Variants in CDHR5 observed in about 807,000 individuals in gnomAD.
The protein encoded by CDHR5 is cadherin-related family member 5.
CDHR5 carries 82 observed loss-of-function variants against 69.5 expected under a neutral mutation model. The ratio of observed to expected loss-of-function variants is 1.18; its 90% CI spans 0.99 to 1.42. The LOEUF (loss-of-function observed/expected upper bound fraction) is 1.42, where lower values mean the gene tolerates loss of function less well. Ranked by LOEUF, CDHR5 falls within the 40% of genes most tolerant of loss-of-function variation. CDHR5 has a pLI of 0.00. For synonymous variants in CDHR5, 601 were observed against 510.2 expected (o/e 1.18, Z -2.40); for missense variants, 1,293 against 1,168.9 (o/e 1.11, Z -1.55).
At position 617,015 on chromosome 11, in the gene CDHR5, G is replaced by GC. The variant is rs34047717; in HGVS notation, c.*335dup. The GC allele has an allele frequency of 1.0e-4, 35 of 334,956 alleles. No individual in the cohort carries two copies. The highest frequency in any genetic ancestry group is 5.8e-4 in the Admixed American group (12 of 20,600). The allele number at this position is 334,956 out of a possible 1,614,324, so 20.7% of individuals were successfully genotyped here. Reference sequence around the variant, plus strand: ...CTCCGGTGCAGGTCGGGGGAGGGGAGCCCCCCTCGGGCTGTGGTTAGAGCG... The same window carrying GC: ...CTCCGGTGCAGGTCGGGGGAGGGGAGCCCCCCCTCGGGCTGTGGTTAGAGCG... On this transcript the variant is annotated 3_prime_UTR_variant, in exon 15 of 15. Transcript: ENST00000397542.
At chr11:620,457 TC>T in intron 7 of CDHR5, 71 bp from the exon 8 acceptor site, 1 of 1,114,126 alleles carries the variant, frequency 9.0e-7, no homozygotes, top group Non-Finnish European at 1.3e-6. Context: ...CCCCTCTGAC[TC>T]CCCATCAAGG....
intron 14 of CDHR5, 29 bp downstream of exon 14, chr11:617,925 C>G (rs779552926): frequency 6.2e-7 from 1 of 1,604,088 alleles, no homozygotes; most frequent in Non-Finnish European, 8.5e-7. Context: ...TGCCTGGTCG[C>G]CTGCCCTGTT....
In CDHR5 at chr11:618,581, C is replaced by T; in HGVS notation, c.1960+18G>A. 6.2e-7 allele frequency: 1 copy of T among 1,613,220 alleles called. No homozygotes were observed. The highest frequency in any genetic ancestry group is 1.7e-5 in the Admixed American group (1 of 60,012). On this transcript the variant is annotated intron_variant, in intron 13 of 14. Coordinates refer to ENST00000397542, the MANE Select transcript of CDHR5 (RefSeq NM_021924.5). Reference sequence around the variant, plus strand: ...AATGACCGGAGTCAGGGAGGGAAGGCAACAGAGTGGGTGCTACCTGAAGAT... The same window carrying T: ...AATGACCGGAGTCAGGGAGGGAAGGTAACAGAGTGGGTGCTACCTGAAGAT...
chr11:622,435 T>G (rs1857468117), intron 3 of CDHR5, among the ~76,000 whole-genome samples: 2 of 152,132 alleles, frequency 1.3e-5, no homozygotes, highest in East Asian at 1.9e-4. Flanking sequence ...TTTTTTTTTT[T>G]TTTGGTTTTT....
intron 3 of CDHR5, among the ~76,000 whole-genome samples, 174 bp from the exon 4 acceptor site, chr11:622,078 A>G (rs1857443739): frequency 6.9e-6 from 1 of 145,022 alleles, no homozygotes. Flanking sequence ...AGTGAGGTGC[A>G]CCCCTCAACG....
intron 7 of CDHR5, among the ~76,000 whole-genome samples, chr11:620,698 A>G (rs1051391949): frequency 6.6e-6 from 1 of 152,032 alleles, no homozygotes; most frequent in African/African-American, 2.4e-5. Flanking sequence ...TCTGCCTCCC[A>G]TGTACTGTTT....
Position 621,375 on chromosome 11 carries a change from C to T in CDHR5, c.588G>A (p.Arg196=), listed in dbSNP as rs776096860. 9.9e-6 allele frequency: 16 copies of T among 1,613,048 alleles called. No individual in the cohort carries two copies. The highest frequency in any genetic ancestry group is 1.4e-5 in the Non-Finnish European group (16 of 1,179,992). The change falls in exon 6 of 15, where the codon CGG becomes CGA. Residue 196 remains arginine (R), a synonymous_variant. Coordinates refer to ENST00000397542, the MANE Select transcript of CDHR5 (RefSeq NM_021924.5). This position sits in a 1 kb window ranked among gnomAD's most constrained non-coding sequence, Gnocchi z 4.4. ...CCAGCAGCCAGAAGGTCATGTTCGG[C>T]CGCTCGTAGAAGTCCAGGGGCCGGT... ...RLDRPLDFYE[R]PNMTFWLLVR...
Position 624,552 on chromosome 11 carries a change from C to G in CDHR5, c.261+5G>C, listed in dbSNP as rs758226575. The G allele has an allele frequency of 2.5e-6, 4 of 1,605,458 alleles. No homozygotes were observed. Among genetic ancestry groups the G allele is most frequent in the Middle Eastern group, 1.7e-4 (1 of 6,048 alleles). On this transcript the variant is annotated splice_donor_5th_base_variant and intron_variant, in intron 2 of 14. Coordinates refer to ENST00000397542, the MANE Select transcript of CDHR5 (RefSeq NM_021924.5). This position sits in a 1 kb window ranked among gnomAD's most constrained non-coding sequence, Gnocchi z 5.3. ...CCCCATATCCCGCCCGCCTGCCGCCCACACCTCGTAATCAGGAGTCACGTT... is the reference window on the plus strand; with the variant it reads ...CCCCATATCCCGCCCGCCTGCCGCCGACACCTCGTAATCAGGAGTCACGTT...
intron 3 of CDHR5, among the ~76,000 whole-genome samples, chr11:622,423 G>GT (rs113267764): frequency 0.015 from 1,879 of 127,674 alleles, 11 homozygotes; most frequent in African/African-American, 0.024. Flanking sequence ...TCTTTTCTCT[G>GT]TTTTTTTTTT....
In CDHR5 at chr11:621,325, G is replaced by A. The variant is rs766461010; in HGVS notation, c.618+20C>T. Reference sequence around the variant, plus strand: ...GGGGCCTCAAGTGTGTGGGACTCGGGGCTGGGGTGACCTGCTCACCCGCAC... The same window carrying A: ...GGGGCCTCAAGTGTGTGGGACTCGGAGCTGGGGTGACCTGCTCACCCGCAC... On this transcript the variant is annotated intron_variant, in intron 6 of 14. Coordinates refer to ENST00000397542, the MANE Select transcript of CDHR5 (RefSeq NM_021924.5). The surrounding 1 kb of genome is among the most constrained non-coding windows in gnomAD (Gnocchi z 4.4). The A allele has an allele frequency of 6.2e-7, 1 of 1,612,432 alleles. No individual in the cohort carries two copies. The highest frequency in any genetic ancestry group is 8.5e-7 in the Non-Finnish European group (1 of 1,179,352).
chr11:618,243 C>A lies in CDHR5; in HGVS notation c.1961-132G>T, dbSNP rs938052941. 5.2e-6 allele frequency: 4 copies of A among 775,982 alleles called. No individual in the cohort carries two copies. In the South Asian group the frequency reaches 5.3e-5, roughly 10 times the overall value. 48.1% of individuals were successfully genotyped at this position (775,982 alleles called of 1,614,324 possible). On this transcript the variant is annotated intron_variant, in intron 13 of 14. Transcript: ENST00000397542. ...TGGGCTGTCTCCCAAATCTCAGGCTCTGCTGACCCTGGCTCAAGGGGCCTG... is the reference window on the plus strand; with the variant it reads ...TGGGCTGTCTCCCAAATCTCAGGCTATGCTGACCCTGGCTCAAGGGGCCTG...
intron 14 of CDHR5, 68 bp downstream of exon 14, chr11:617,886 C>T (rs369792192): frequency 4.5e-6 from 7 of 1,553,044 alleles, no homozygotes; most frequent in South Asian, 3.5e-5. Flanking sequence ...CTCTGCCCTC[C>T]CCTCTCCTGT....
chr11:620,419 G>T, intron 7 of CDHR5, 33 bp from the exon 8 acceptor site: 1 of 1,495,150 alleles, frequency 6.7e-7, no homozygotes, highest in Non-Finnish European at 9.2e-7. Flanking sequence ...GGCACGTCGT[G>T]GGGCTGGGGT....
rs138700250 is a variant in CDHR5 at position 620,696 on chromosome 11, C to T, written c.790-310G>A. 3.2e-3 allele frequency among the ~76,000 whole-genome samples: 491 copies of T among 152,274 alleles called. 3 individuals carry two copies. Among genetic ancestry groups the T allele is most frequent in the African/African-American group, 0.011 (461 of 41,560 alleles). ...CTCCCGGGGTCTGCATTTCTGCCTCCCATGTACTGTTTGGTGGCCCCAGGT... is the reference window on the plus strand; with the variant it reads ...CTCCCGGGGTCTGCATTTCTGCCTCTCATGTACTGTTTGGTGGCCCCAGGT... On this transcript the variant is annotated intron_variant, in intron 7 of 14. Transcript: ENST00000397542.
rs372825985 is a variant in CDHR5 at position 618,595 on chromosome 11, C to T, written c.1960+4G>A. On this transcript the variant is annotated splice_donor_region_variant and intron_variant, in intron 13 of 14. Coordinates refer to ENST00000397542, the MANE Select transcript of CDHR5 (RefSeq NM_021924.5). Reference sequence around the variant, plus strand: ...GGGAGGGAAGGCAACAGAGTGGGTGCTACCTGAAGATGGGGTGCTCTTGCT... The same window carrying T: ...GGGAGGGAAGGCAACAGAGTGGGTGTTACCTGAAGATGGGGTGCTCTTGCT... The T allele has an allele frequency of 4.3e-6, 7 of 1,613,658 alleles. No individual in the cohort carries two copies. The highest frequency in any genetic ancestry group is 2.2e-5 in the South Asian group (2 of 91,066).
chr11:621,449 T>C lies in CDHR5; in HGVS notation c.514A>G (p.Ser172Gly), dbSNP rs886537122. 4 of 1,612,006 alleles carry C rather than the reference T, an allele frequency of 2.5e-6. No homozygotes were observed. The highest frequency in any genetic ancestry group is 1.3e-5 in the African/African-American group (1 of 75,010). ...ACACTCACCAGGGAGAAGTAGTCAC[T>C]GGCACCCTGGGGAGGGTCAGGGAGG... Reference protein sequence around the residue: ...YTLQEMTAGASDYFSLVSVNR... With the variant: ...YTLQEMTAGAGDYFSLVSVNR... Residue 172 changes from serine (S) to glycine (G), a missense_variant, in exon 6 of 15, where the codon AGT (serine) becomes GGT (glycine). Ser to Gly is a moderately conservative substitution (Grantham distance 56, BLOSUM62 0). Transcript: ENST00000397542. This position sits in a 1 kb window ranked among gnomAD's most constrained non-coding sequence, Gnocchi z 4.4.
Position 620,304 on chromosome 11 carries a change from A to G in CDHR5, c.872T>C (p.Ile291Thr). ...GGCTGGGCCCCACTCACCCCTAAAG[A>G]TGCTGTAGATGATGGGCTGGTTGAT... ...RGINQPIIYS[I>T]FRGNVNGTFI... Residue 291 changes from isoleucine (I) to threonine (T), a missense_variant, in exon 8 of 15, where the codon ATC (isoleucine) becomes ACC (threonine). Transcript: ENST00000397542. 1 of 1,611,628 alleles carries G rather than the reference A, an allele frequency of 6.2e-7. No individual in the cohort carries two copies. The highest frequency in any genetic ancestry group is 2.2e-5 in the East Asian group (1 of 44,848).
chr11:617,746 T>A lies in CDHR5; in HGVS notation c.2143A>T (p.Asn715Tyr). ...TTGTGGTCAGGGAGGAACGCCTGGTTGTCAAAGCCTTGGGGCTGGGGCTCC... is the reference window on the plus strand; with the variant it reads ...TTGTGGTCAGGGAGGAACGCCTGGTAGTCAAAGCCTTGGGGCTGGGGCTCC... ...APEPQPQGFD[N>Y]QAFLPDHKAN... Residue 715 changes from asparagine to tyrosine, a missense_variant, in exon 15 of 15, where the codon AAC (asparagine) becomes TAC (tyrosine). Physicochemically the swap from Asn to Tyr is moderately radical, Grantham distance 143. Transcript: ENST00000397542. 1 of 1,457,016 alleles carries A rather than the reference T, an allele frequency of 6.9e-7. No homozygotes were observed. Among genetic ancestry groups the A allele is most frequent in the Admixed American group, 2.7e-5 (1 of 36,768 alleles). The allele number at this position is 1,457,016 out of a possible 1,614,324, so 90.3% of individuals were successfully genotyped here.
Position 619,023 on chromosome 11 carries a change from T to G in CDHR5, c.1536A>C (p.Pro512=). The G allele has an allele frequency of 6.2e-7, 1 of 1,613,460 alleles. No homozygotes were observed. Among genetic ancestry groups the G allele is most frequent in the Non-Finnish European group, 8.5e-7 (1 of 1,179,810 alleles). The change falls in exon 13 of 15, where the codon CCA becomes CCC. Residue 512 remains proline, a synonymous_variant. Coordinates refer to ENST00000397542, the MANE Select transcript of CDHR5 (RefSeq NM_021924.5). ...GCCCCCCGGGTGTGGACGAGGTTGGTGGCCTCAGAGTTGTGCCAGAGGGTG... is the reference window on the plus strand; with the variant it reads ...GCCCCCCGGGTGTGGACGAGGTTGGGGGCCTCAGAGTTGTGCCAGAGGGTG... ...PHPPSGTTLR[P]PTSSTPGGPP...
Sources: allele counts gnomAD v4.1 joint callset (sites outside exome capture counted in the v4.1 genomes callset), GRCh38; gene constraint gnomAD v4.1.1; non-coding constraint Gnocchi (gnomAD v3.1); transcripts MANE v1.5; gene names NCBI Gene and HGNC (gene_info 2026-07-23, HGNC 2026-07-21).